Variants in VCL observed in about 807,000 individuals in gnomAD.
VCL encodes epididymis luminal protein 114.
Under a neutral mutation model 125.7 loss-of-function variants are expected in VCL, and 47 were observed. The observed-to-expected ratio is 0.37, with a 90% CI of 0.30 to 0.48. VCL has a LOEUF of 0.48. Ranked by LOEUF, VCL falls within the 20% of genes least tolerant of loss-of-function variation. The pLI is 0.99. For synonymous variants in VCL, 458 were observed against 514.6 expected, an observed-to-expected ratio of 0.89 and a Z score of 1.49; for missense variants, 1,069 against 1,455.5, an observed-to-expected ratio of 0.73 and a Z score of 4.32.
intron 6 of VCL, chr10:74,077,783 T>G (rs980860815): frequency 4.4e-6 from 2 of 453,030 alleles, no homozygotes; most frequent in African/African-American, 4.0e-5. Context: ...AAGTGCGTCT[T>G]GCCGAATAAG....
rs143702799 is a variant in VCL, at chr10:74,071,076, T to G, written c.492T>G (p.Leu164=). The G allele has an allele frequency of 6.0e-4, 963 of 1,614,050 alleles. 3 individuals are homozygous for G. Among genetic ancestry groups the G allele is most frequent in the South Asian group, 1.0e-3 (92 of 91,080 alleles). Residue 164 remains leucine (L), a synonymous_variant, in exon 4 of 22, where the codon CTT becomes CTG. Coordinates refer to ENST00000211998, the MANE Select transcript of VCL (RefSeq NM_014000.3). The surrounding 1 kb of genome is among the most constrained non-coding windows in gnomAD (Gnocchi z 4.1). The part of the protein sequence containing the change: ...MEDLVTYTKN[L]GPGMTKMAKM... ...ATTTGGTCACTTACACAAAGAATCTTGGGCCAGGTTAGTTTTATCCAATTT... is the reference window on the plus strand; with the variant it reads ...ATTTGGTCACTTACACAAAGAATCTGGGGCCAGGTTAGTTTTATCCAATTT...
chr10:74,093,158 G>A (rs1475469138), intron 10 of VCL, among the ~76,000 whole-genome samples: 2 of 152,176 alleles, frequency 1.3e-5, no homozygotes, highest in South Asian at 2.1e-4. Flanking sequence ...TTAGCTGGGT[G>A]TGGTGGTGGG....
At chr10:74,112,397 C>A (rs1022533501) in intron 19 of VCL, among the ~76,000 whole-genome samples, 2 of 152,140 alleles carry the variant, frequency 1.3e-5, no homozygotes, top group African/African-American at 4.8e-5. Flanking sequence ...CGCTGGAAAC[C>A]CCTTGGGAAG....
At chr10:74,102,234 G>GTT (rs1384429758) in intron 14 of VCL, among the ~76,000 whole-genome samples, 1 of 135,386 alleles carries the variant, frequency 7.4e-6, no homozygotes, top group Non-Finnish European at 1.6e-5. Context: ...CTTTGTGAGA[G>GTT]TTTTTTTTTT....
intron 1 of VCL, chr10:74,005,370 TCAGCCTCCTGAGTAGCTGGGA>T (rs1388756284): frequency 2.6e-5 from 4 of 152,240 alleles, no homozygotes; most frequent in Admixed American, 2.0e-4. Context: ...TTTTCCTGTC[TCAGCCTCCTGAGTAGCTGGGA>T]TTACAGTCGT....
intron 1 of VCL, among the ~76,000 whole-genome samples, chr10:74,032,549 A>G (rs1840897479): frequency 6.6e-6 from 1 of 151,708 alleles, no homozygotes; most frequent in Non-Finnish European, 1.5e-5. Context: ...AAAATACAAA[A>G]ATTAGCCAGG....
intron 1 of VCL, among the ~76,000 whole-genome samples, chr10:74,002,581 G>A (rs1840246739): frequency 6.6e-6 from 1 of 151,854 alleles, no homozygotes; most frequent in East Asian, 1.9e-4. Context: ...ATTTAGAGAT[G>A]TGGTAAGAAA....
chr10:74,019,042 G>A (rs770774877), intron 1 of VCL, among the ~76,000 whole-genome samples: 1 of 151,970 alleles, frequency 6.6e-6, no homozygotes, highest in South Asian at 2.1e-4. Context: ...ATAGTCCCTT[G>A]ATGGTTGTAG....
intron 1 of VCL, among the ~76,000 whole-genome samples, chr10:74,008,645 T>C (rs1170689275): frequency 6.6e-6 from 1 of 152,208 alleles, no homozygotes. Flanking sequence ...GCTTTTTTGC[T>C]TTCTGGCTGA....
intron 2 of VCL, among the ~76,000 whole-genome samples, chr10:74,057,142 G>T (rs1021339902): frequency 6.6e-6 from 1 of 151,792 alleles, no homozygotes; most frequent in African/African-American, 2.4e-5. Flanking sequence ...ATAGGGTCTC[G>T]CTACGTAGTC....
chr10:74,112,352 G>T (rs1183740574), intron 19 of VCL, among the ~76,000 whole-genome samples: 1 of 152,142 alleles, frequency 6.6e-6, no homozygotes, highest in Admixed American at 6.5e-5. Context: ...GTCACTTTTG[G>T]AAAGGATTCC....
chr10:74,063,632 T>C (rs1416714593), intron 2 of VCL: 1 of 152,206 alleles, frequency 6.6e-6, no homozygotes, highest in Non-Finnish European at 1.5e-5. Context: ...CTTTGAAGAA[T>C]GAGGACAAAA....
At chr10:74,020,146 A>G (rs1840634071) in intron 1 of VCL, among the ~76,000 whole-genome samples, 2 of 152,188 alleles carry the variant, frequency 1.3e-5, no homozygotes, top group African/African-American at 4.8e-5. Flanking sequence ...AGGTAAGGAA[A>G]CTAAGGCTGA....
At position 74,092,111 on chromosome 10, in the gene VCL, T is replaced by C. The variant is rs376816083; in HGVS notation, c.1352+1913T>C. Among the ~76,000 whole-genome samples, 6 of 152,044 alleles carry C rather than the reference T, an allele frequency of 3.9e-5. No homozygotes were observed. The South Asian group carries it at 6.2e-4, about 16-fold the overall frequency. On this transcript the variant is annotated intron_variant, in intron 10 of 21. Transcript: ENST00000211998. ...TTTTAGTAGAGATGGGGTTTCACCA[T>C]GTTGTCCAGGATGGTCTTGATCTCT...
chr10:74,117,460 A>G (rs1251178927), intron 21 of VCL, among the ~76,000 whole-genome samples: 1 of 152,156 alleles, frequency 6.6e-6, no homozygotes, highest in Admixed American at 6.5e-5. Flanking sequence ...TACGAGTCCA[A>G]CCTGGGCAAC....
chr10:74,042,967 A>C, intron 1 of VCL, 116 bp from the exon 2 acceptor site: 10 of 1,100,838 alleles, frequency 9.1e-6, no homozygotes, highest in Non-Finnish European at 1.3e-5. Context: ...TCTCCCTTAA[A>C]TCTAGAAACT....
intron 2 of VCL, among the ~76,000 whole-genome samples, chr10:74,050,136 G>C (rs891556750): frequency 1.1e-4 from 16 of 152,196 alleles, no homozygotes; most frequent in African/African-American, 3.9e-4. Context: ...TACATTATCT[G>C]TTGGCAGGCA....
At chr10:74,033,755 TA>T (rs1840924983) in intron 1 of VCL, among the ~76,000 whole-genome samples, 1 of 152,204 alleles carries the variant, frequency 6.6e-6, no homozygotes, top group Non-Finnish European at 1.5e-5. Context: ...TTCAGTTGCT[TA>T]TTGGACAACT....
intron 2 of VCL, among the ~76,000 whole-genome samples, chr10:74,056,196 G>GGT (rs145536575): frequency 0.015 from 2,303 of 149,476 alleles, 67 homozygotes; most frequent in African/African-American, 0.054. Flanking sequence ...GCTCATGATG[G>GGT]GTGTGTGTGT....
Sources: gnomAD v4.1 joint callset for allele counts (sites outside exome capture counted in the v4.1 genomes callset) on GRCh38, gnomAD v4.1.1 for gene constraint, Gnocchi (gnomAD v3.1) non-coding constraint, MANE v1.5 for transcripts, NCBI Gene and HGNC (gene_info 2026-07-23, HGNC 2026-07-21) for gene names.